Variants in FOXP1 observed in about 807,000 individuals in gnomAD.
FOXP1 encodes the protein forkhead box protein P1.
FOXP1 carries 15 observed loss-of-function variants against 98.2 expected under a neutral mutation model. The observed-to-expected ratio is 0.15, with a 90% CI of 0.10 to 0.24. FOXP1 has a LOEUF of 0.24. Ranked by LOEUF, FOXP1 falls within the 10% of genes least tolerant of loss-of-function variation. The pLI is 1.00. For synonymous variants in FOXP1, 371 were observed against 314.5 expected (o/e 1.18, Z -1.90); for missense variants, 633 against 848.5 (o/e 0.75, Z 3.15).
intron 6 of FOXP1, among the ~76,000 whole-genome samples, chr3:71,194,769 A>T (rs2063202620): frequency 6.6e-6 from 1 of 152,170 alleles, no homozygotes; most frequent in Non-Finnish European, 1.5e-5. Flanking sequence ...ATGTTCAGAA[A>T]CTCTATCAAA....
At chr3:71,179,746 G>A (rs1399878438) in intron 6 of FOXP1, among the ~76,000 whole-genome samples, 1 of 152,170 alleles carries the variant, frequency 6.6e-6, no homozygotes, top group Non-Finnish European at 1.5e-5. Flanking sequence ...GGAAAACAGG[G>A]TATCCACTGA....
chr3:71,537,930 T>C (rs769860734), intron 2 of FOXP1, among the ~76,000 whole-genome samples: 3 of 152,216 alleles, frequency 2.0e-5, no homozygotes, highest in Non-Finnish European at 4.4e-5. Context: ...TATTCATAAA[T>C]AAAGTTTTAT....
At chr3:71,460,168 T>A (rs2087914280) in intron 3 of FOXP1, among the ~76,000 whole-genome samples, 1 of 152,042 alleles carries the variant, frequency 6.6e-6, no homozygotes. Flanking sequence ...TCTCCTGACC[T>A]CGTGATTCGT....
At chr3:71,361,775 G>A (rs2078589195) in intron 3 of FOXP1, among the ~76,000 whole-genome samples, 1 of 152,202 alleles carries the variant, frequency 6.6e-6, no homozygotes, top group Non-Finnish European at 1.5e-5. Flanking sequence ...CGACATTAAT[G>A]AGAGCCCTCA....
intron 3 of FOXP1, among the ~76,000 whole-genome samples, chr3:71,459,259 T>C (rs1437293127): frequency 6.6e-6 from 1 of 152,194 alleles, no homozygotes; most frequent in African/African-American, 2.4e-5. Flanking sequence ...CTCAATTTAT[T>C]TATTGACTGA....
At chr3:71,170,628 T>C (rs965818851) in intron 6 of FOXP1, among the ~76,000 whole-genome samples, 2 of 152,250 alleles carry the variant, frequency 1.3e-5, no homozygotes, top group African/African-American at 4.8e-5. Flanking sequence ...GACTATAGGA[T>C]GTTTTATTGC....
rs745686792 is a variant in FOXP1, at chr3:71,099,518, G to GCAAAA, written c.282+13013_282+13017dup. 3.9e-3 allele frequency among the ~76,000 whole-genome samples: 595 copies of GCAAAA among 151,974 alleles called. 3 individuals are homozygous for GCAAAA. The highest frequency in any genetic ancestry group is 0.013 in the African/African-American group (530 of 41,440). On this transcript the variant is annotated intron_variant, in intron 7 of 20. Coordinates refer to ENST00000649528, the MANE Select transcript of FOXP1 (RefSeq NM_001349338.3). ...CAGATCGAGACTCCATCTCAACAAA[G>GCAAAA]CAAAACAAAACAAAACAAAACAAAA...
chr3:71,491,426 A>G (rs2091051581), intron 3 of FOXP1, among the ~76,000 whole-genome samples: 1 of 152,220 alleles, frequency 6.6e-6, no homozygotes, highest in Non-Finnish European at 1.5e-5. Flanking sequence ...CACGGGTGAG[A>G]GAACCGAACA....
chr3:71,154,096 CT>C (rs142389444), intron 6 of FOXP1, among the ~76,000 whole-genome samples: 5 of 150,124 alleles, frequency 3.3e-5, no homozygotes, highest in South Asian at 2.1e-4. Context: ...TCTTCTTCTT[CT>C]TTTTTTTTGC....
chr3:71,419,940 G>A (rs1035610892), intron 3 of FOXP1, among the ~76,000 whole-genome samples: 13 of 151,968 alleles, frequency 8.6e-5, no homozygotes, highest in African/African-American at 3.1e-4. Flanking sequence ...TCAGCCTCCT[G>A]AGTAGCTGGG....
chr3:71,473,321 A>G (rs967365175), intron 3 of FOXP1, among the ~76,000 whole-genome samples: 1 of 152,158 alleles, frequency 6.6e-6, no homozygotes, highest in African/African-American at 2.4e-5. Flanking sequence ...CTATGGCCCA[A>G]TATGCTCCCC....
chr3:71,470,154 T>C (rs2106666798), intron 3 of FOXP1, among the ~76,000 whole-genome samples: 1 of 152,310 alleles, frequency 6.6e-6, no homozygotes, highest in Middle Eastern at 3.4e-3. Flanking sequence ...AAAGAAGTTC[T>C]AAAGTAATTT....
At chr3:71,138,665 A>G (rs2059929990) in intron 6 of FOXP1, among the ~76,000 whole-genome samples, 1 of 152,218 alleles carries the variant, frequency 6.6e-6, no homozygotes, top group African/African-American at 2.4e-5. Context: ...CAATGCTTGG[A>G]AAGTATACTC....
intron 4 of FOXP1, among the ~76,000 whole-genome samples, chr3:71,343,134 A>G (rs1038536513): frequency 8.5e-5 from 13 of 152,234 alleles, no homozygotes; most frequent in Admixed American, 7.2e-4. Flanking sequence ...TGGGATTTCC[A>G]GTTTGCTCTG....
intron 6 of FOXP1, among the ~76,000 whole-genome samples, chr3:71,167,964 G>A (rs1161971277): frequency 1.3e-5 from 2 of 152,102 alleles, no homozygotes; most frequent in Non-Finnish European, 2.9e-5. Flanking sequence ...TGTCCAAACT[G>A]AGCCAGTAAA....
chr3:71,528,625 T>C (rs1180699931), intron 2 of FOXP1, among the ~76,000 whole-genome samples: 1 of 152,182 alleles, frequency 6.6e-6, no homozygotes, highest in African/African-American at 2.4e-5. Flanking sequence ...TTACCCTGAT[T>C]TATGTAGAGG....
At chr3:71,260,110 A>T (rs555686978) in intron 5 of FOXP1, among the ~76,000 whole-genome samples, 2 of 152,292 alleles carry the variant, frequency 1.3e-5, no homozygotes, top group South Asian at 4.1e-4. Flanking sequence ...CAGCCTCCGG[A>T]GTAGCTGGGA....
At chr3:71,480,312 C>A (rs2090175375) in intron 3 of FOXP1, among the ~76,000 whole-genome samples, 1 of 152,202 alleles carries the variant, frequency 6.6e-6, no homozygotes, top group African/African-American at 2.4e-5. Context: ...ACACAGTATG[C>A]TGCTACTGCA....
At chr3:70,975,545 C>T (rs76188283) in intron 17 of FOXP1, among the ~76,000 whole-genome samples, 14,623 of 152,136 alleles carry the variant, frequency 0.096, 1,370 homozygotes, top group East Asian at 0.47. Context: ...GGTTTTTCTC[C>T]GGTATAAAAT....
Sources: allele counts gnomAD v4.1 joint callset (sites outside exome capture counted in the v4.1 genomes callset), GRCh38; gene constraint gnomAD v4.1.1; transcripts MANE v1.5; gene names NCBI Gene and HGNC (gene_info 2026-07-23, HGNC 2026-07-21).